The following PLPP1 variants were observed in gnomAD, a reference collection of about 807,000 sequenced individuals.
The protein encoded by PLPP1 is lipid phosphate phosphohydrolase 1a.
A neutral mutation model predicts 31.2 loss-of-function variants in PLPP1; 24 were observed. The ratio of observed to expected loss-of-function variants is 0.77; its 90% CI spans 0.56 to 1.08. PLPP1 has a LOEUF of 1.08. Among genes scored for constraint, PLPP1 ranks in the 50% least tolerant of loss-of-function variants. The pLI, the probability that PLPP1 is intolerant of heterozygous loss-of-function variation, is 0.00. For missense variants in PLPP1, 319 were observed against 342.7 expected (o/e 0.93, Z 0.55); for synonymous variants, 146 against 126.3 (o/e 1.16, Z -1.05).
chr5:55,534,491 C>A (rs1740807808), intron 1 of PLPP1, 81 bp downstream of exon 1: 1 of 1,392,242 alleles, frequency 7.2e-7, no homozygotes, highest in Non-Finnish European at 9.5e-7. Flanking sequence ...GCAACACACC[C>A]CCGCTGCCCG....
At chr5:55,479,796 C>T (rs1420034147) in intron 1 of PLPP1, among the ~76,000 whole-genome samples, 5 of 152,158 alleles carry the variant, frequency 3.3e-5, no homozygotes, top group Non-Finnish European at 1.5e-5. Context: ...AGAGACAAAG[C>T]AAAATCAACT....
chr5:55,528,270 C>G (rs962167241), intron 1 of PLPP1, among the ~76,000 whole-genome samples: 2 of 152,174 alleles, frequency 1.3e-5, no homozygotes, highest in African/African-American at 4.8e-5. Context: ...TCTGACCTTT[C>G]TGCGTCTCTA....
intron 4 of PLPP1, among the ~76,000 whole-genome samples, chr5:55,439,324 A>C (rs1456289484): frequency 2.6e-5 from 4 of 152,118 alleles, no homozygotes; most frequent in African/African-American, 9.7e-5. Context: ...ACCACGCTCA[A>C]ATAAAGCTCC....
At chr5:55,467,753 C>G (rs1752335630) in intron 3 of PLPP1, 116 bp downstream of exon 3, 6 of 1,124,248 alleles carry the variant, frequency 5.3e-6, no homozygotes, top group Non-Finnish European at 7.5e-6. Context: ...CAAAATTCAC[C>G]TCCCAGTGAT....
intron 3 of PLPP1, among the ~76,000 whole-genome samples, chr5:55,445,532 ACTC>A (rs1468309035): frequency 9.7e-6 from 1 of 103,602 alleles, no homozygotes; most frequent in African/African-American, 3.7e-5. Flanking sequence ...TTTTGCATTC[ACTC>A]TTTTTTTTTT....
In PLPP1 at chr5:55,468,071, T is replaced by G; in HGVS notation, c.289A>C (p.Thr97Pro). ...AAGGTTCCAATGGCTTTGTAAATAG[T>G]GGCTATGTAGTTATTCCTGATAAAG... ...NSFIRNNYIA[T>P]IYKAIGTFLF... The change falls in exon 3 of 6, where the codon ACT becomes CCT. Residue 97 changes from threonine to proline, a missense_variant. Coordinates refer to ENST00000307259, the MANE Select transcript of PLPP1 (RefSeq NM_003711.4). The G allele has an allele frequency of 6.2e-7, 1 of 1,614,026 alleles. No homozygotes were observed. The highest frequency in any genetic ancestry group is 8.5e-7 in the Non-Finnish European group (1 of 1,179,918).
chr5:55,463,462 G>C (rs998297755), intron 3 of PLPP1, among the ~76,000 whole-genome samples: 1 of 152,070 alleles, frequency 6.6e-6, no homozygotes, highest in Non-Finnish European at 1.5e-5. Context: ...AGGAATTCAA[G>C]ACCAGCCTGG....
intron 3 of PLPP1, among the ~76,000 whole-genome samples, chr5:55,466,516 A>T (rs1292910440): frequency 6.6e-6 from 1 of 152,118 alleles, no homozygotes; most frequent in African/African-American, 2.4e-5. Context: ...CAGCCTGGAA[A>T]ACATGGTAAA....
At chr5:55,485,292 G>GC (rs1752752565) in intron 1 of PLPP1, among the ~76,000 whole-genome samples, 1 of 152,208 alleles carries the variant, frequency 6.6e-6, no homozygotes, top group South Asian at 2.1e-4. Flanking sequence ...ACAGCATGCT[G>GC]CAACACAAAA....
At chr5:55,445,533 CTCTT>C (rs1751742001) in intron 3 of PLPP1, among the ~76,000 whole-genome samples, 1 of 120,926 alleles carries the variant, frequency 8.3e-6, no homozygotes, top group African/African-American at 3.1e-5. Context: ...TTTGCATTCA[CTCTT>C]TTTTTTTTTT....
intron 1 of PLPP1, chr5:55,484,616 A>T (rs899087812): frequency 6.6e-6 from 1 of 152,194 alleles, no homozygotes; most frequent in African/African-American, 2.4e-5. Flanking sequence ...ATAACAAAGA[A>T]TGTGGCCTTT....
rs566357496 is a variant in PLPP1, at chr5:55,467,937, G to T, written c.423C>A (p.Ile141=). The change falls in exon 3 of 6, where the codon ATC becomes ATA. Residue 141 remains isoleucine (I), a synonymous_variant. Coordinates refer to ENST00000307259, the MANE Select transcript of PLPP1 (RefSeq NM_003711.4). The stretch of plus-strand genomic sequence containing the variant: ...ATTCAATGTAACCATCGCTGCAGTT[G>T]ATTTTTGACCAATCTGGATCACAAA... ...LDVCDPDWSK[I]NCSDGYIEYY... is the part of the protein sequence containing the mutation. 11 of 1,614,126 alleles carry T rather than the reference G, an allele frequency of 6.8e-6. No homozygotes were observed. In the South Asian group the frequency reaches 1.2e-4, roughly 18 times the overall value.
chr5:55,487,867 G>A (rs947645544), intron 1 of PLPP1, among the ~76,000 whole-genome samples: 4 of 152,100 alleles, frequency 2.6e-5, no homozygotes, highest in Admixed American at 2.0e-4. Context: ...GGTGGCTCAC[G>A]CCTGTAATCC....
rs1278176303 is a variant in PLPP1, at chr5:55,467,949, A to T, written c.411T>A (p.Asp137Glu). The T allele has an allele frequency of 2.5e-6, 4 of 1,614,182 alleles. No homozygotes were observed. The highest frequency in any genetic ancestry group is 3.4e-6 in the Non-Finnish European group (4 of 1,180,020). ...CATCGCTGCAGTTGATTTTTGACCA[A>T]TCTGGATCACAAACATCCAAGAAGT... Reference protein sequence around the residue: ...RPHFLDVCDPDWSKINCSDGY... With the variant: ...RPHFLDVCDPEWSKINCSDGY... Residue 137 changes from aspartate to glutamate, a missense_variant, in exon 3 of 6, where the codon GAT becomes GAA. By Grantham distance (45) the Asp-to-Glu change is conservative (BLOSUM62 2). Transcript: ENST00000307259.
chr5:55,444,906 C>T (rs565363194), intron 3 of PLPP1, among the ~76,000 whole-genome samples: 37 of 152,072 alleles, frequency 2.4e-4, no homozygotes, highest in Non-Finnish European at 5.3e-4. Flanking sequence ...CGCACCACCA[C>T]GCCCAGCTAA....
chr5:55,493,502 G>C (rs1752940738), intron 1 of PLPP1, among the ~76,000 whole-genome samples: 1 of 152,078 alleles, frequency 6.6e-6, no homozygotes, highest in African/African-American at 2.4e-5. Context: ...CAGTAACTCA[G>C]GAGGCTGAGG....
intron 1 of PLPP1, among the ~76,000 whole-genome samples, chr5:55,529,992 G>C (rs1222949014): frequency 1.3e-5 from 2 of 152,128 alleles, no homozygotes; most frequent in African/African-American, 4.8e-5. Flanking sequence ...CTTACCAAGA[G>C]GATGAAGTTT....
chr5:55,433,497 A>C, intron 4 of PLPP1, among the ~76,000 whole-genome samples: 1 of 19,202 alleles, frequency 5.2e-5, no homozygotes, highest in Non-Finnish European at 1.5e-4. Context: ...AACATACAAA[A>C]ATCTCTAGCA....
chr5:55,447,574 C>T (rs1751793779), intron 3 of PLPP1, among the ~76,000 whole-genome samples: 1 of 44,430 alleles, frequency 2.3e-5, no homozygotes, highest in Admixed American at 3.3e-4. Context: ...CAGTAACTTG[C>T]TCGAAAAGTC....
Sources: gnomAD v4.1 joint callset for allele counts (sites outside exome capture counted in the v4.1 genomes callset) on GRCh38, gnomAD v4.1.1 for gene constraint, MANE v1.5 for transcripts, NCBI Gene and HGNC (gene_info 2026-07-23, HGNC 2026-07-21) for gene names.